The following NRG3 variants were observed in gnomAD, a reference collection of about 807,000 sequenced individuals.
The protein encoded by NRG3 is pro-neuregulin-3, membrane-bound isoform.
NRG3 carries 31 observed loss-of-function variants against 66.9 expected under a neutral mutation model. The observed-to-expected ratio is 0.46, with a 90% confidence interval of 0.35 to 0.63. The LOEUF is 0.63. Among genes scored for constraint, NRG3 ranks in the 20% least tolerant of loss-of-function variants. NRG3 has a pLI of 0.00. For missense variants in NRG3, 910 were observed against 878.9 expected, an observed-to-expected ratio of 1.04 and a Z score of -0.45; for synonymous variants, 393 against 359.4, an observed-to-expected ratio of 1.09 and a Z score of -1.06.
chr10:82,852,053 G>A (rs1480398452), intron 3 of NRG3, among the ~76,000 whole-genome samples: 1 of 152,160 alleles, frequency 6.6e-6, no homozygotes, highest in African/African-American at 2.4e-5. Flanking sequence ...TGAGCAAGGC[G>A]GGACTTTGGA....
chr10:82,578,977 C>A (rs949025364), intron 2 of NRG3, among the ~76,000 whole-genome samples: 1 of 151,778 alleles, frequency 6.6e-6, no homozygotes, highest in African/African-American at 2.4e-5. Flanking sequence ...GGACCATGCA[C>A]ATTTAAAGAG....
chr10:82,445,124 G>C (rs960920082), intron 2 of NRG3, among the ~76,000 whole-genome samples: 1 of 147,146 alleles, frequency 6.8e-6, no homozygotes, highest in East Asian at 2.0e-4. Context: ...CTTCATAGAG[G>C]CTGTCCCCAT....
chr10:82,626,174 G>T (rs2133674387), intron 2 of NRG3, among the ~76,000 whole-genome samples: 1 of 152,234 alleles, frequency 6.6e-6, no homozygotes, highest in African/African-American at 2.4e-5. Flanking sequence ...TTGTGAATCA[G>T]CTAATTAACA....
At chr10:82,214,035 G>A (rs540129028) in intron 1 of NRG3, among the ~76,000 whole-genome samples, 34 of 152,256 alleles carry the variant, frequency 2.2e-4, no homozygotes, top group East Asian at 9.7e-4. Context: ...CTATGAAGAT[G>A]GCAGTGTCTG....
At chr10:82,095,888 C>T (rs749001967) in intron 1 of NRG3, among the ~76,000 whole-genome samples, 1 of 152,092 alleles carries the variant, frequency 6.6e-6, no homozygotes, top group Non-Finnish European at 1.5e-5. Context: ...AGCACTTCAA[C>T]GTGGGGAATC....
chr10:82,954,186 G>T (rs1250032007), intron 5 of NRG3, among the ~76,000 whole-genome samples: 1 of 151,818 alleles, frequency 6.6e-6, no homozygotes, highest in Admixed American at 6.6e-5. Context: ...GTACAAGAAA[G>T]AAATTCCTTA....
intron 2 of NRG3, among the ~76,000 whole-genome samples, chr10:82,414,449 A>G (rs2088374357): frequency 6.6e-6 from 1 of 152,162 alleles, no homozygotes; most frequent in East Asian, 1.9e-4. Flanking sequence ...TAACAGATAT[A>G]AAAATCATGA....
In NRG3 at chr10:82,142,797, A is replaced by G. The variant is rs542515552; in HGVS notation, c.824-215942A>G. ...TTTTTTTTTTTTTTGAGACAGAGCA[A>G]GACTCTATCTATCTCCAGGCTGGAA... is the stretch of plus-strand genomic sequence containing the variant. On this transcript the variant is annotated intron_variant, in intron 1 of 8. Transcript: ENST00000372141. Among the ~76,000 whole-genome samples, 44 of 141,872 alleles carry G rather than the reference A, an allele frequency of 3.1e-4. No homozygotes were observed. In the South Asian group the frequency reaches 1.0e-2, roughly 32 times the overall value. The allele number at this position is 141,872 out of a possible 152,430, so 93.1% of individuals were successfully genotyped here. A position where few individuals can be genotyped will look rare whatever the true frequency, so the allele number is the denominator to read the frequency against.
chr10:82,744,114 C>A (rs944857969), intron 3 of NRG3, among the ~76,000 whole-genome samples: 2 of 152,130 alleles, frequency 1.3e-5, no homozygotes, highest in African/African-American at 4.8e-5. Context: ...TCTTGCAAGC[C>A]ATTCAGAAGG....
intron 2 of NRG3, among the ~76,000 whole-genome samples, chr10:82,733,557 C>G (rs959844443): frequency 2.0e-5 from 3 of 152,246 alleles, no homozygotes; most frequent in Admixed American, 2.0e-4. Flanking sequence ...TGTAGATAAT[C>G]AAGTCCCTGA....
At chr10:82,187,865 G>A (rs1434133196) in intron 1 of NRG3, among the ~76,000 whole-genome samples, 1 of 151,828 alleles carries the variant, frequency 6.6e-6, no homozygotes, top group Non-Finnish European at 1.5e-5. Context: ...AGCTCATCTA[G>A]AATACTATGT....
intron 2 of NRG3, among the ~76,000 whole-genome samples, chr10:82,406,788 A>G (rs1018268862): frequency 6.6e-6 from 1 of 152,058 alleles, no homozygotes; most frequent in Non-Finnish European, 1.5e-5. Context: ...GTTGACTTAG[A>G]AACTAGGTCT....
At chr10:81,888,046 C>A (rs1428012808) in intron 1 of NRG3, among the ~76,000 whole-genome samples, 1 of 152,140 alleles carries the variant, frequency 6.6e-6, no homozygotes, top group East Asian at 1.9e-4. Flanking sequence ...CCACTTCATG[C>A]AACCAGGGTG....
intron 1 of NRG3, among the ~76,000 whole-genome samples, chr10:82,161,358 C>T (rs1000001725): frequency 2.0e-5 from 3 of 152,156 alleles, no homozygotes; most frequent in Non-Finnish European, 2.9e-5. Context: ...TAACACAAGT[C>T]CTGAGTTCCA....
intron 2 of NRG3, among the ~76,000 whole-genome samples, chr10:82,414,946 C>T (rs1330781130): frequency 6.6e-6 from 1 of 152,188 alleles, no homozygotes. Flanking sequence ...ATGAGGCTCA[C>T]TCATCACCCA....
chr10:82,530,078 A>G (rs1847108973), intron 2 of NRG3, among the ~76,000 whole-genome samples: 2 of 152,176 alleles, frequency 1.3e-5, no homozygotes, highest in African/African-American at 2.4e-5. Flanking sequence ...AGTTCATTCC[A>G]ACGTAGGTAA....
chr10:82,583,913 G>C (rs1461693736), intron 2 of NRG3, among the ~76,000 whole-genome samples: 4 of 152,092 alleles, frequency 2.6e-5, no homozygotes, highest in African/African-American at 9.7e-5. Context: ...AATGAACATG[G>C]AAAAGCTAAT....
At chr10:81,981,444 T>A (rs2060328358) in intron 1 of NRG3, among the ~76,000 whole-genome samples, 1 of 152,234 alleles carries the variant, frequency 6.6e-6, no homozygotes, top group South Asian at 2.1e-4. Flanking sequence ...TGCCCTGCGC[T>A]CCAGGCCCAC....
At chr10:82,846,001 T>C (rs2063292460) in intron 3 of NRG3, among the ~76,000 whole-genome samples, 3 of 152,150 alleles carry the variant, frequency 2.0e-5, no homozygotes, top group African/African-American at 2.4e-5. Flanking sequence ...CTGATACAGA[T>C]TGTCAACAGT....
Sources: gnomAD v4.1 joint callset for allele counts (sites outside exome capture counted in the v4.1 genomes callset) on GRCh38, gnomAD v4.1.1 for gene constraint, MANE v1.5 for transcripts, NCBI Gene and HGNC (gene_info 2026-07-23, HGNC 2026-07-21) for gene names.